The following CABLES1 variants were observed in gnomAD, a reference collection of about 807,000 sequenced individuals.
The protein encoded by CABLES1 is Cdk5 and Abl enzyme substrate 1, also known as CDK5 and ABL1 enzyme substrate 1.
Under a neutral mutation model 57.8 loss-of-function variants are expected in CABLES1, and 36 were observed. The observed-to-expected ratio is 0.62, with a 90% CI of 0.48 to 0.82. The LOEUF is 0.82. Ranked by LOEUF, CABLES1 falls within the 40% of genes least tolerant of loss-of-function variation. CABLES1 has a pLI of 0.00. For synonymous variants in CABLES1, 374 were observed against 363.0 expected (o/e 1.03, Z -0.35); for missense variants, 767 against 836.6 (o/e 0.92, Z 1.03).
At chr18:23,245,394 C>T (rs949575052) in intron 7 of CABLES1, among the ~76,000 whole-genome samples, 6 of 152,018 alleles carry the variant, frequency 3.9e-5, no homozygotes, top group Admixed American at 3.9e-4. Context: ...ACCTGTAGTC[C>T]CAGCTACTTG....
chr18:23,235,209 C>T (rs2048991526), intron 5 of CABLES1, among the ~76,000 whole-genome samples: 1 of 152,162 alleles, frequency 6.6e-6, no homozygotes, highest in South Asian at 2.1e-4. Flanking sequence ...TGACCCTGCC[C>T]TTTGTGCAGG....
At chr18:23,217,897 T>TTTTCCCCGATA (rs2047453873) in intron 4 of CABLES1, among the ~76,000 whole-genome samples, 1 of 152,194 alleles carries the variant, frequency 6.6e-6, no homozygotes, top group Admixed American at 6.5e-5. Flanking sequence ...GGGGCGAAGC[T>TTTTCCCCGATA]CACCCACAGC....
chr18:23,194,597 A>C, intron 3 of CABLES1, 57 bp downstream of exon 3: 1 of 1,157,764 alleles, frequency 8.6e-7, no homozygotes, highest in Non-Finnish European at 1.3e-6. Context: ...CAGGGACTGG[A>C]GGAGGGGACA....
Position 23,253,052 on chromosome 18 carries a change from C to A in CABLES1, c.1539C>A (p.Leu513=). The change falls in exon 8 of 10, where the codon CTC becomes CTA. Residue 513 remains leucine, a synonymous_variant. Coordinates refer to ENST00000256925, the MANE Select transcript of CABLES1 (RefSeq NM_001100619.3). ...KEKFPHIKLT[L]SKIRSLKREM... ...AGTTTCCTCACATTAAGCTGACACT[C>A]AGCAAAATTAGGAGGTACGGGAGGC... 3 of 1,610,288 alleles carry A rather than the reference C, an allele frequency of 1.9e-6. No individual in the cohort carries two copies. Among genetic ancestry groups the A allele is most frequent in the Non-Finnish European group, 2.5e-6 (3 of 1,176,538 alleles).
intron 3 of CABLES1, chr18:23,197,930 T>G (rs1167121654): frequency 6.6e-6 from 1 of 152,186 alleles, no homozygotes; most frequent in Non-Finnish European, 1.5e-5. Flanking sequence ...ATGCCTTGAT[T>G]GTTTGCTGGG....
chr18:23,205,658 AGGACG>A (rs960175413), intron 3 of CABLES1, among the ~76,000 whole-genome samples: 4 of 152,226 alleles, frequency 2.6e-5, no homozygotes, highest in African/African-American at 9.6e-5. Context: ...ATACTGGAGT[AGGACG>A]GGCCCTAATC....
chr18:23,135,907 C>T lies in CABLES1; in HGVS notation c.145C>T (p.Pro49Ser). The change falls in exon 1 of 10, where the codon CCC becomes TCC. Residue 49 changes from proline to serine, a missense_variant. Transcript: ENST00000256925. ...PAAAAPAQPPPEPPRKPRMDP... is the reference protein window; with the variant it reads ...PAAAAPAQPPSEPPRKPRMDP... ...GGCCGCCGCGCCGGCCCAGCCGCCGCCCGAACCCCCCCGGAAGCCGCGCAT... is the reference window on the plus strand; with the variant it reads ...GGCCGCCGCGCCGGCCCAGCCGCCGTCCGAACCCCCCCGGAAGCCGCGCAT... 9.3e-7 allele frequency: 1 copy of T among 1,080,496 alleles called. No individual in the cohort carries two copies. Among genetic ancestry groups the T allele is most frequent in the Non-Finnish European group, 1.1e-6 (1 of 895,382 alleles). The allele number at this position is 1,080,496 out of a possible 1,614,324, so 66.9% of individuals were successfully genotyped here. A position where few individuals can be genotyped will look rare whatever the true frequency, so the allele number is the denominator to read the frequency against.
rs185799680 is a variant in CABLES1 at position 23,228,870 on chromosome 18, G to A, written c.1089-5738G>A. Among the ~76,000 whole-genome samples the A allele has an allele frequency of 4.1e-3, 625 of 152,226 alleles. 2 individuals are homozygous for A. Among genetic ancestry groups the A allele is most frequent in the African/African-American group, 0.014 (567 of 41,520 alleles). ...GAAAGCAGCTCCTCTAGGTACATGT[G>A]GCTAAGCTGCAGCGCTACCCAGGAC... On this transcript the variant is annotated intron_variant, in intron 4 of 9. Transcript: ENST00000256925.
chr18:23,216,373 A>G (rs1020652445), intron 4 of CABLES1, among the ~76,000 whole-genome samples: 5 of 152,206 alleles, frequency 3.3e-5, no homozygotes, highest in Non-Finnish European at 5.9e-5. Context: ...CAGACAGGCA[A>G]GATAAGTTCT....
At chr18:23,226,263 A>G (rs562679303) in intron 4 of CABLES1, among the ~76,000 whole-genome samples, 20 of 152,226 alleles carry the variant, frequency 1.3e-4, no homozygotes, top group Admixed American at 1.3e-3. Context: ...TTAGCCGGGC[A>G]TGGTGGCATG....
chr18:23,257,258 G>A lies in CABLES1; in HGVS notation c.1793G>A (p.Arg598Gln), dbSNP rs759309191. 2.5e-6 allele frequency: 4 copies of A among 1,611,560 alleles called. No homozygotes were observed. The highest frequency in any genetic ancestry group is 2.2e-5 in the East Asian group (1 of 44,872). Reference sequence around the variant, plus strand: ...GAAGAGAAGTTCCGGCTGAACAGGCGAGAACTGATTGCCTTTGAATTCCCG... The same window carrying A: ...GAAGAGAAGTTCCGGCTGAACAGGCAAGAACTGATTGCCTTTGAATTCCCG... ...KLEEKFRLNR[R>Q]ELIAFEFPVL... The change falls in exon 10 of 10, where the codon CGA (arginine) becomes CAA (glutamine). Residue 598 changes from arginine to glutamine, a missense_variant. Physicochemically the swap from Arg to Gln is conservative, Grantham distance 43 (BLOSUM62 1). Around this residue, in one of 4 missense-constraint regions of CABLES1, gnomAD observed 15 missense variants for 41.0 expected, o/e 0.37. Coordinates refer to ENST00000256925, the MANE Select transcript of CABLES1 (RefSeq NM_001100619.3).
chr18:23,202,984 CAA>C (rs34495738), intron 3 of CABLES1, among the ~76,000 whole-genome samples: 1,214 of 115,050 alleles, frequency 0.011, 12 homozygotes, highest in African/African-American at 0.032. Flanking sequence ...AAGACTCCAT[CAA>C]AAAAAAAAAA....
intron 7 of CABLES1, among the ~76,000 whole-genome samples, chr18:23,246,482 C>T (rs962101078): frequency 6.6e-6 from 1 of 151,986 alleles, no homozygotes; most frequent in Non-Finnish European, 1.5e-5. Flanking sequence ...AGCTCCGCCT[C>T]CCGGGTTCAC....
chr18:23,172,358 C>CT (rs1165755766), intron 1 of CABLES1, among the ~76,000 whole-genome samples: 1 of 152,134 alleles, frequency 6.6e-6, no homozygotes, highest in Non-Finnish European at 1.5e-5. Context: ...ATCATACACT[C>CT]TGTTTTAGAT....
At position 23,136,608 on chromosome 18, in the gene CABLES1, G is replaced by T. The variant is rs2046824072; in HGVS notation, c.845+1G>T. 3 of 1,427,152 alleles carry T rather than the reference G, an allele frequency of 2.1e-6. No homozygotes were observed. Among genetic ancestry groups the T allele is most frequent in the Non-Finnish European group, 2.7e-6 (3 of 1,091,092 alleles). The allele number at this position is 1,427,152 out of a possible 1,614,324, so 88.4% of individuals were successfully genotyped here. ...CCTTCGAGCAGCTGCAGAGGTCCCG[G>T]TGAGTATCCGGGATGCGACGCGCAC... On this transcript the variant is annotated splice_donor_variant, in intron 1 of 9. Coordinates refer to ENST00000256925, the MANE Select transcript of CABLES1 (RefSeq NM_001100619.3). LOFTEE classifies it high-confidence loss of function.
intron 3 of CABLES1, among the ~76,000 whole-genome samples, chr18:23,199,261 G>A (rs1272806029): frequency 6.6e-6 from 1 of 152,148 alleles, no homozygotes; most frequent in Admixed American, 6.5e-5. Flanking sequence ...TGCAGACACC[G>A]TGGGAAAGTT....
chr18:23,242,566 G>A (rs889789933), intron 7 of CABLES1, among the ~76,000 whole-genome samples: 29 of 152,172 alleles, frequency 1.9e-4, no homozygotes, highest in African/African-American at 7.0e-4. Flanking sequence ...CTTTATGGGT[G>A]TGGAAGGCAA....
chr18:23,167,444 A>G (rs1451183971), intron 1 of CABLES1, among the ~76,000 whole-genome samples: 1 of 152,186 alleles, frequency 6.6e-6, no homozygotes, highest in African/African-American at 2.4e-5. Flanking sequence ...TTCAAAATAT[A>G]CTGTAAAAGG....
At chr18:23,138,433 G>C (rs1186805382) in intron 1 of CABLES1, among the ~76,000 whole-genome samples, 1 of 152,120 alleles carries the variant, frequency 6.6e-6, no homozygotes, top group Non-Finnish European at 1.5e-5. Flanking sequence ...TCCTATTTCT[G>C]AATAATCCGT....
Sources: allele counts gnomAD v4.1 joint callset (sites outside exome capture counted in the v4.1 genomes callset), GRCh38; gene constraint gnomAD v4.1.1; regional missense constraint gnomAD v4.1.1; transcripts MANE v1.5; gene names NCBI Gene and HGNC (gene_info 2026-07-23, HGNC 2026-07-21).